Variants in THSD7B observed in about 807,000 individuals in gnomAD.
THSD7B encodes the protein thrombospondin type-1 domain-containing protein 7B.
THSD7B carries 138 observed loss-of-function variants against 213.6 expected under a neutral mutation model. The ratio of observed to expected loss-of-function variants is 0.65; its 90% CI spans 0.56 to 0.74. The LOEUF is 0.74. Ranked by LOEUF, THSD7B falls within the 30% of genes least tolerant of loss-of-function variation. THSD7B has a pLI of 0.00. For synonymous variants in THSD7B, 742 were observed against 687.0 expected (o/e 1.08, Z -1.25); for missense variants, 1,931 against 1,991.5 (o/e 0.97, Z 0.58).
chr2:136,903,227 A>C (rs1156728842), intron 2 of THSD7B, among the ~76,000 whole-genome samples: 1 of 152,364 alleles, frequency 6.6e-6, no homozygotes, highest in East Asian at 1.9e-4. Context: ...GGCATATATT[A>C]AATGCTCCGT....
chr2:137,138,986 TAA>T (rs977777190), intron 5 of THSD7B, among the ~76,000 whole-genome samples: 7 of 152,188 alleles, frequency 4.6e-5, no homozygotes, highest in African/African-American at 1.7e-4. Flanking sequence ...CTACTGTCCC[TAA>T]GTATTTAGTC....
chr2:136,797,569 GT>G (rs1264498827), intron 1 of THSD7B, among the ~76,000 whole-genome samples: 2 of 151,970 alleles, frequency 1.3e-5, no homozygotes, highest in African/African-American at 4.8e-5. Context: ...TATACATAAT[GT>G]TGTTCATGGT....
At chr2:137,444,112 T>C (rs1174825718) in intron 14 of THSD7B, among the ~76,000 whole-genome samples, 1 of 151,958 alleles carries the variant, frequency 6.6e-6, no homozygotes, top group African/African-American at 2.4e-5. Context: ...AAAGAAGAGG[T>C]AATAACCTAG....
intron 2 of THSD7B, among the ~76,000 whole-genome samples, chr2:136,952,035 A>T (rs186653281): frequency 6.6e-6 from 1 of 152,016 alleles, no homozygotes; most frequent in Non-Finnish European, 1.5e-5. Flanking sequence ...ACGCCCAGCT[A>T]ATTTTTGTAT....
At chr2:136,942,417 T>C (rs1684844574) in intron 2 of THSD7B, among the ~76,000 whole-genome samples, 1 of 152,162 alleles carries the variant, frequency 6.6e-6, no homozygotes, top group African/African-American at 2.4e-5. Context: ...GGGGATGGCA[T>C]TGAATCTATA....
intron 2 of THSD7B, among the ~76,000 whole-genome samples, chr2:137,055,801 G>A (rs944135750): frequency 1.3e-5 from 2 of 152,112 alleles, no homozygotes; most frequent in Admixed American, 1.3e-4. Context: ...GCACCCCATT[G>A]TTATTTTCAT....
chr2:137,261,203 C>T (rs1049491429), intron 10 of THSD7B, among the ~76,000 whole-genome samples: 1 of 151,998 alleles, frequency 6.6e-6, no homozygotes, highest in African/African-American at 2.4e-5. Context: ...CGACAGAGTT[C>T]TTTGTGGAGG....
rs551562623 is a variant in THSD7B at position 137,236,638 on chromosome 2, T to A, written c.2150+3505T>A. ...TGAAAACAACTGGCATTTTGTGAGATACAGCAATAAATAGCTCCATTTAAA... is the reference window on the plus strand; with the variant it reads ...TGAAAACAACTGGCATTTTGTGAGAAACAGCAATAAATAGCTCCATTTAAA... On this transcript the variant is annotated intron_variant, in intron 9 of 27. Transcript: ENST00000409968. 2.0e-4 allele frequency among the ~76,000 whole-genome samples: 31 copies of A among 152,342 alleles called. No individual in the cohort carries two copies. The East Asian group carries it at 5.6e-3, about 28-fold the overall frequency.
intron 2 of THSD7B, among the ~76,000 whole-genome samples, chr2:136,921,340 T>A (rs1443199724): frequency 6.6e-6 from 1 of 152,144 alleles, no homozygotes; most frequent in Non-Finnish European, 1.5e-5. Context: ...ATGTTGCTCA[T>A]GCTGTCCCAA....
At chr2:137,398,630 C>T (rs1444115757) in intron 12 of THSD7B, among the ~76,000 whole-genome samples, 1 of 152,004 alleles carries the variant, frequency 6.6e-6, no homozygotes, top group Non-Finnish European at 1.5e-5. Context: ...TGTCTGTGCC[C>T]TGCCCCCAGA....
chr2:137,209,934 G>A (rs1681063781), intron 7 of THSD7B, among the ~76,000 whole-genome samples: 1 of 151,996 alleles, frequency 6.6e-6, no homozygotes, highest in East Asian at 1.9e-4. Flanking sequence ...GAATCTGACT[G>A]GTATCCTTAT....
intron 1 of THSD7B, among the ~76,000 whole-genome samples, chr2:136,864,744 G>A (rs1408164726): frequency 6.6e-6 from 1 of 151,992 alleles, no homozygotes; most frequent in East Asian, 1.9e-4. Flanking sequence ...AGTAGAGATG[G>A]GGTTTCCCCA....
intron 12 of THSD7B, among the ~76,000 whole-genome samples, chr2:137,321,815 T>A (rs2104879914): frequency 6.6e-6 from 1 of 152,350 alleles, no homozygotes; most frequent in African/African-American, 2.4e-5. Flanking sequence ...CAGTCCATGC[T>A]GAATTTCATG....
chr2:137,218,922 A>G (rs543157489), intron 7 of THSD7B, among the ~76,000 whole-genome samples: 32 of 152,070 alleles, frequency 2.1e-4, no homozygotes, highest in Non-Finnish European at 3.8e-4. Context: ...TATTCTAAGT[A>G]TTAGCTTCTA....
chr2:137,668,211 G>C (rs182330169), intron 27 of THSD7B, among the ~76,000 whole-genome samples: 1,638 of 152,218 alleles, frequency 0.011, 16 homozygotes, highest in Non-Finnish European at 0.014. Context: ...TTAGTCTTAG[G>C]TGTGGCCAGG....
At chr2:136,982,148 A>C (rs534724662) in intron 2 of THSD7B, among the ~76,000 whole-genome samples, 1 of 152,048 alleles carries the variant, frequency 6.6e-6, no homozygotes, top group South Asian at 2.1e-4. Flanking sequence ...TGATGCACCC[A>C]CCTCAGCCTC....
chr2:137,673,444 G>A (rs1312108313), intron 27 of THSD7B, among the ~76,000 whole-genome samples: 43 of 152,194 alleles, frequency 2.8e-4, no homozygotes, highest in Admixed American at 2.8e-3. Flanking sequence ...CTGGGCACAG[G>A]ATGACTGGTG....
At chr2:136,878,828 A>T (rs923588594) in intron 1 of THSD7B, among the ~76,000 whole-genome samples, 1 of 152,128 alleles carries the variant, frequency 6.6e-6, no homozygotes, top group African/African-American at 2.4e-5. Flanking sequence ...CCTTTGTCAG[A>T]TGAGTAGATT....
rs753933120 is a variant in THSD7B at position 137,674,992 on chromosome 2, C to T, written c.4740-1532C>T. Reference sequence around the variant, plus strand: ...TTAAACTAGGAGTTTCTCCCTACAACCATTTTAATTTTATCAACTTTTTAT... The same window carrying T: ...TTAAACTAGGAGTTTCTCCCTACAATCATTTTAATTTTATCAACTTTTTAT... On this transcript the variant is annotated intron_variant, in intron 27 of 27. Transcript: ENST00000409968. 9.9e-5 allele frequency among the ~76,000 whole-genome samples: 15 copies of T among 152,154 alleles called. No individual in the cohort carries two copies. In the South Asian group the frequency reaches 1.0e-3, roughly 10 times the overall value.
Sources: gnomAD v4.1 joint callset for allele counts (sites outside exome capture counted in the v4.1 genomes callset) on GRCh38, gnomAD v4.1.1 for gene constraint, MANE v1.5 for transcripts, NCBI Gene and HGNC (gene_info 2026-07-23, HGNC 2026-07-21) for gene names.